The following CARHSP1 variants were observed in gnomAD, a reference collection of about 807,000 sequenced individuals.
The protein encoded by CARHSP1 is calcium-regulated heat-stable protein 1.
A neutral mutation model predicts 12.5 loss-of-function variants in CARHSP1; 14 were observed. The ratio of observed to expected loss-of-function variants is 1.12; its 90% CI spans 0.74 to 1.75. The LOEUF is 1.75. Among genes scored for constraint, CARHSP1 ranks in the 40% most tolerant of loss-of-function variants. CARHSP1 has a pLI of 0.00. For synonymous variants in CARHSP1, 161 were observed against 82.0 expected (o/e 1.96, Z -5.20); for missense variants, 343 against 201.6 (o/e 1.70, Z -4.25).
intron 1 of CARHSP1, among the ~76,000 whole-genome samples, chr16:8,861,274 C>T (rs547407434): frequency 7.0e-6 from 1 of 142,060 alleles, no homozygotes; most frequent in Non-Finnish European, 1.5e-5. Flanking sequence ...CCACCTCTTC[C>T]TCTCAAAGTG....
At chr16:8,868,182 A>C (rs1244428207) in intron 1 of CARHSP1, 1 of 152,426 alleles carries the variant, frequency 6.6e-6, no homozygotes, top group Non-Finnish European at 1.5e-5. Context: ...AGATTTCCCC[A>C]CCTATTAAGA....
At chr16:8,858,182 A>G in intron 3 of CARHSP1, 168 bp downstream of exon 3, 1 of 755,832 alleles carries the variant, frequency 1.3e-6, no homozygotes, top group Non-Finnish European at 2.1e-6. Flanking sequence ...CCCCAACCCA[A>G]CACACACACA....
intron 1 of CARHSP1, 68 bp from the exon 2 acceptor site, chr16:8,859,403 TC>T: frequency 7.2e-7 from 1 of 1,396,446 alleles, no homozygotes; most frequent in South Asian, 1.2e-5. Context: ...TACCCCCATG[TC>T]CACGTCTGAC....
At chr16:8,864,335 G>T (rs563205339) in intron 1 of CARHSP1, among the ~76,000 whole-genome samples, 1 of 152,168 alleles carries the variant, frequency 6.6e-6, no homozygotes, top group East Asian at 1.9e-4. Flanking sequence ...CTGGGCACCT[G>T]TGCTGCCACA....
chr16:8,862,061 G>C (rs1382876785), intron 1 of CARHSP1, among the ~76,000 whole-genome samples: 1 of 140,562 alleles, frequency 7.1e-6, no homozygotes, highest in Admixed American at 7.6e-5. Context: ...GGAGTGCAAT[G>C]GCACAATCTC....
chr16:8,864,348 G>C (rs2061421465), intron 1 of CARHSP1, among the ~76,000 whole-genome samples: 1 of 152,150 alleles, frequency 6.6e-6, no homozygotes, highest in African/African-American at 2.4e-5. Context: ...CTGCCACAGG[G>C]GACCTTGATG....
At chr16:8,860,605 T>G (rs960517306) in intron 1 of CARHSP1, 1 of 709,194 alleles carries the variant, frequency 1.4e-6, no homozygotes. Context: ...TGGGCATCAC[T>G]TGGCACCTGC....
intron 3 of CARHSP1, chr16:8,857,370 C>T (rs1467860154): frequency 2.1e-5 from 3 of 141,062 alleles, no homozygotes; most frequent in African/African-American, 7.8e-5. Flanking sequence ...ATAACCTCCA[C>T]CTCCTGGGTT....
At position 8,855,207 on chromosome 16, in the gene CARHSP1, C is replaced by A. The variant is rs778202120; in HGVS notation, c.401G>T (p.Gly134Val). The change falls in exon 4 of 4, where the codon GGC becomes GTC. Residue 134 changes from glycine to valine, a missense_variant. By Grantham distance (109) the Gly-to-Val change is moderately radical. Coordinates refer to ENST00000311052, the MANE Select transcript of CARHSP1 (RefSeq NM_014316.4). ...VEVVITHLAP[G>V]TKHETWSGHV... Reference sequence around the variant, plus strand: ...TCCAGACCAGGTCTCATGCTTGGTGCCTGGTGCCAGGTGAGTGATGACGAC... The same window carrying A: ...TCCAGACCAGGTCTCATGCTTGGTGACTGGTGCCAGGTGAGTGATGACGAC... 6.2e-7 allele frequency: 1 copy of A among 1,612,450 alleles called. No homozygotes were observed. The highest frequency in any genetic ancestry group is 8.5e-7 in the Non-Finnish European group (1 of 1,178,996).
chr16:8,853,221 G>C lies in CARHSP1; in HGVS notation c.*1943C>G, dbSNP rs1385562516. 1 of 152,128 alleles carries C rather than the reference G, an allele frequency of 6.6e-6. No individual in the cohort carries two copies. Among genetic ancestry groups the C allele is most frequent in the Non-Finnish European group, 1.5e-5 (1 of 68,054 alleles). 9.4% of individuals were successfully genotyped at this position (152,128 alleles called of 1,614,324 possible). ...GGATTCTGCCAAGACAGAATCCCAG[G>C]GTCACAGGAGAGAGGCTTGGGGCAG... is the stretch of plus-strand genomic sequence containing the variant. On this transcript the variant is annotated 3_prime_UTR_variant, in exon 4 of 4. Coordinates refer to ENST00000311052, the MANE Select transcript of CARHSP1 (RefSeq NM_014316.4).
rs770848683 is a variant in CARHSP1 at position 8,855,140 on chromosome 16, G to C, written c.*24C>G. 1.9e-6 allele frequency: 3 copies of C among 1,557,916 alleles called. No individual in the cohort carries two copies. Among genetic ancestry groups the C allele is most frequent in the Non-Finnish European group, 1.7e-6 (2 of 1,146,856 alleles). On this transcript the variant is annotated 3_prime_UTR_variant, in exon 4 of 4. Coordinates refer to ENST00000311052, the MANE Select transcript of CARHSP1 (RefSeq NM_014316.4). ...CCTGCAAAGTCTCCCACAAGCACAG[G>C]ACAAGGGGTGCTTCCACCATCTCCT...
chr16:8,866,671 G>C (rs1214224591), intron 1 of CARHSP1, among the ~76,000 whole-genome samples: 1 of 151,896 alleles, frequency 6.6e-6, no homozygotes, highest in Non-Finnish European at 1.5e-5. Flanking sequence ...GAGAGCGGGG[G>C]GTCTGGCGAG....
chr16:8,860,223 G>A (rs759058788), intron 1 of CARHSP1: 71 of 985,034 alleles, frequency 7.2e-5, no homozygotes, highest in Middle Eastern at 5.2e-4. Context: ...GGCCTGCTGC[G>A]AGAGCCCAAA....
Position 8,866,503 on chromosome 16 carries a change from C to G in CARHSP1, c.-8+2463G>C, listed in dbSNP as rs2061457424. On this transcript the variant is annotated intron_variant, in intron 1 of 3. Coordinates refer to ENST00000311052, the MANE Select transcript of CARHSP1 (RefSeq NM_014316.4). Reference sequence around the variant, plus strand: ...CCCAGTCTCCAGCGCAGCTGAGCCCCAGCCTGGGAGAACTGCCGGCACGTG... The same window carrying G: ...CCCAGTCTCCAGCGCAGCTGAGCCCGAGCCTGGGAGAACTGCCGGCACGTG... 3 of 984,300 alleles carry G rather than the reference C, an allele frequency of 3.0e-6. No individual in the cohort carries two copies. The African/African-American group carries it at 5.2e-5, about 17-fold the overall frequency. The allele number at this position is 984,300 out of a possible 1,614,324, so 61.0% of individuals were successfully genotyped here. A position where few individuals can be genotyped will look rare whatever the true frequency, so the allele number is the denominator to read the frequency against.
chr16:8,856,655 A>G (rs1241636773), intron 3 of CARHSP1, among the ~76,000 whole-genome samples: 1 of 152,134 alleles, frequency 6.6e-6, no homozygotes, highest in Non-Finnish European at 1.5e-5. Flanking sequence ...TAACTCCCCC[A>G]TTGCAGTGGG....
chr16:8,856,408 C>A (rs562389208), intron 3 of CARHSP1, among the ~76,000 whole-genome samples: 1 of 152,350 alleles, frequency 6.6e-6, no homozygotes, highest in East Asian at 1.9e-4. Context: ...AGAAATAAAT[C>A]TGCAGCCTAC....
chr16:8,859,481 G>T (rs1020295229), intron 1 of CARHSP1, 146 bp from the exon 2 acceptor site: 2 of 734,244 alleles, frequency 2.7e-6, no homozygotes, highest in East Asian at 5.7e-5. Flanking sequence ...CTGGGAGCAC[G>T]CCTGGCAGGG....
Position 8,858,054 on chromosome 16 carries a change from C to T in CARHSP1, c.281+296G>A, listed in dbSNP as rs193249484. On this transcript the variant is annotated intron_variant, in intron 3 of 3. Transcript: ENST00000311052. The stretch of plus-strand genomic sequence containing the variant: ...CTGGGATTACAGGCGTGAGCCACCA[C>T]GCCCAGCACACACAAAACCTTACAC... The T allele has an allele frequency of 9.2e-5, 34 of 368,134 alleles. No homozygotes were observed. The East Asian group carries it at 1.4e-3, about 15-fold the overall frequency. The allele number at this position is 368,134 out of a possible 1,614,324, so 22.8% of individuals were successfully genotyped here. A position where few individuals can be genotyped will look rare whatever the true frequency, so the allele number is the denominator to read the frequency against.
chr16:8,855,728 T>A (rs1317166159), intron 3 of CARHSP1, among the ~76,000 whole-genome samples: 1 of 152,206 alleles, frequency 6.6e-6, no homozygotes, highest in Non-Finnish European at 1.5e-5. Context: ...AGGGGTGGCC[T>A]GGGCAGGGCT....
Sources: gnomAD v4.1 joint callset for allele counts (sites outside exome capture counted in the v4.1 genomes callset) on GRCh38, gnomAD v4.1.1 for gene constraint, MANE v1.5 for transcripts, NCBI Gene and HGNC (gene_info 2026-07-23, HGNC 2026-07-21) for gene names.